SATB1: variants seen among roughly 807,000 people sequenced by gnomAD.
SATB1 encodes DNA-binding protein SATB1.
Under a neutral mutation model 86.9 loss-of-function variants are expected in SATB1, and 11 were observed. That is an observed-to-expected ratio of 0.13 (90% CI 0.08 to 0.21). SATB1 has a LOEUF of 0.21. Among genes scored for constraint, SATB1 ranks in the 10% least tolerant of loss-of-function variants. SATB1 has a pLI of 1.00. For synonymous variants in SATB1, 357 were observed against 357.2 expected (o/e 1.00, Z 0.01); for missense variants, 551 against 937.6 (o/e 0.59, Z 5.39).
chr3:18,398,297 C>T lies in SATB1; in HGVS notation c.640-1007G>A, dbSNP rs141027018. On this transcript the variant is annotated intron_variant, in intron 5 of 10. Transcript: ENST00000338745. ...ATTCATGGTCCATATTAACCTGTTA[C>T]CCATATTCTCTAGTAACAGCTAACT... Among the ~76,000 whole-genome samples, 273 of 152,126 alleles carry T rather than the reference C, an allele frequency of 1.8e-3. 5 individuals are homozygous for T. In the South Asian group the frequency reaches 0.044, roughly 25 times the overall value.
upstream of SATB1, among the ~76,000 whole-genome samples, chr3:18,427,750 A>T (rs1050612064): frequency 4.6e-5 from 7 of 152,242 alleles, no homozygotes; most frequent in African/African-American, 1.7e-4. Flanking sequence ...GTATGTAATA[A>T]GGACTGACAT....
chr3:18,436,978 T>C (rs954035850), intron 1 of SATB1: 1 of 152,172 alleles, frequency 6.6e-6, no homozygotes, highest in African/African-American at 2.4e-5. Context: ...CAGTAACCCA[T>C]TGTTTTGCCA....
chr3:18,394,995 T>A lies in SATB1; in HGVS notation c.752-79A>T. 8.4e-7 allele frequency: 1 copy of A among 1,186,006 alleles called. No homozygotes were observed. Among genetic ancestry groups the A allele is most frequent in the Non-Finnish European group, 1.2e-6 (1 of 867,088 alleles). 73.5% of individuals were successfully genotyped at this position (1,186,006 alleles called of 1,614,324 possible). On this transcript the variant is annotated intron_variant, in intron 6 of 10. Coordinates refer to ENST00000338745, the MANE Select transcript of SATB1 (RefSeq NM_002971.6). This position sits in a 1 kb window ranked among gnomAD's most constrained non-coding sequence, Gnocchi z 5.9. ...AAAGATTTCTAACCATTTCCTAAAT[T>A]AAAAAAGGGTAGGCACAGGGCACAC...
At position 18,352,164 on chromosome 3, in the gene SATB1, T is replaced by C; in HGVS notation, c.1607A>G (p.Glu536Gly). 1 of 1,614,222 alleles carries C rather than the reference T, an allele frequency of 6.2e-7. No homozygotes were observed. The highest frequency in any genetic ancestry group is 8.5e-7 in the Non-Finnish European group (1 of 1,180,056). The change falls in exon 10 of 11, where the codon GAA (glutamate) becomes GGA (glycine). Residue 536 changes from glutamate to glycine, a missense_variant. Glu to Gly is a moderately conservative substitution (Grantham distance 98). Transcript: ENST00000338745. The surrounding 1 kb of genome is among the most constrained non-coding windows in gnomAD (Gnocchi z 4.1). ...GWLCELLRWK[E>G]DPSPENRTLW... ...GGTTCTGTTTTCTGGAGAAGGATCT[T>C]CTTTCCAGCGTAACAGCTCGCACAA...
chr3:18,432,292 A>T (rs1698913479), intron 2 of SATB1, among the ~76,000 whole-genome samples: 1 of 152,198 alleles, frequency 6.6e-6, no homozygotes, highest in Non-Finnish European at 1.5e-5. Context: ...ATTCCGGTGA[A>T]ATCGAACAGC....
At chr3:18,381,698 AT>A (rs1054190680) in intron 8 of SATB1, among the ~76,000 whole-genome samples, 11 of 152,066 alleles carry the variant, frequency 7.2e-5, no homozygotes, top group African/African-American at 2.2e-4. Context: ...TTAATGTCTA[AT>A]TTTTTAATAG....
chr3:18,398,607 C>A (rs1241020738), intron 5 of SATB1, among the ~76,000 whole-genome samples: 1 of 152,166 alleles, frequency 6.6e-6, no homozygotes, highest in Non-Finnish European at 1.5e-5. Flanking sequence ...CTGTAGCATG[C>A]ACACATTTCT....
In SATB1 at chr3:18,349,675, TGCTGTTGCTGCA is replaced by T. The variant is rs769893736; in HGVS notation, c.1780-5_1786del. 8 of 1,601,454 alleles carry T rather than the reference TGCTGTTGCTGCA, an allele frequency of 5.0e-6. No individual in the cohort carries two copies. The highest frequency in any genetic ancestry group is 6.8e-6 in the Non-Finnish European group (8 of 1,174,488). ...CTGCTGCTGCTGTTGCTGTTGCTGC[TGCTGTTGCTGCA>T]AAGAAACAAGGAGACAATCAGAGCT... is the stretch of plus-strand genomic sequence containing the variant. On this transcript the variant is annotated splice_acceptor_variant and splice_polypyrimidine_tract_variant and coding_sequence_variant and intron_variant, in exon 11 of 11. Transcript: ENST00000338745. LOFTEE classifies it high-confidence loss of function. The surrounding 1 kb of genome is among the most constrained non-coding windows in gnomAD (Gnocchi z 5.5).
intron 10 of SATB1, chr3:18,350,717 A>G (rs2125125926): frequency 6.6e-6 from 1 of 152,346 alleles, no homozygotes; most frequent in South Asian, 2.1e-4. Context: ...GGCTTTCACG[A>G]TTATTTTAGT....
upstream of SATB1, among the ~76,000 whole-genome samples, chr3:18,427,031 A>G (rs6550461): frequency 0.21 from 31,766 of 152,124 alleles, 3,412 homozygotes; most frequent in African/African-American, 0.26. Context: ...TGGCACACAA[A>G]CCCAAGCCTT....
Position 18,397,162 on chromosome 3 carries a change from AT to A in SATB1, c.751+16del. ...GTAATGGTATGTAGCCACTGCTGCA[AT>A]GTTTTTTTTGCTTACCCATCATATC... On this transcript the variant is annotated intron_variant, in intron 6 of 10. Coordinates refer to ENST00000338745, the MANE Select transcript of SATB1 (RefSeq NM_002971.6). 1 of 1,366,920 alleles carries A rather than the reference AT, an allele frequency of 7.3e-7. No individual in the cohort carries two copies. The highest frequency in any genetic ancestry group is 1.0e-6 in the Non-Finnish European group (1 of 954,892). 84.7% of individuals were successfully genotyped at this position (1,366,920 alleles called of 1,614,324 possible).
intron 9 of SATB1, among the ~76,000 whole-genome samples, chr3:18,361,420 T>C (rs193245090): frequency 1.3e-5 from 2 of 152,222 alleles, no homozygotes; most frequent in African/African-American, 4.8e-5. Context: ...GTTGTTATTA[T>C]CACACAAGGG....
At chr3:18,414,940 G>A in intron 5 of SATB1, 171 bp downstream of exon 5, 2 of 662,230 alleles carry the variant, frequency 3.0e-6, no homozygotes, top group South Asian at 4.0e-5. Flanking sequence ...TATAGGCTCT[G>A]TTCACAAGGA....
rs528949791 is a variant in SATB1 at position 18,360,847 on chromosome 3, A to G, written c.1576-8652T>C. On this transcript the variant is annotated intron_variant, in intron 9 of 10. Coordinates refer to ENST00000338745, the MANE Select transcript of SATB1 (RefSeq NM_002971.6). The stretch of plus-strand genomic sequence containing the variant: ...CACATTTGGGAAAACCTGGAATTCA[A>G]AAATAACTATTAGTGCAAGATAGCA... Among the ~76,000 whole-genome samples, 11 of 152,264 alleles carry G rather than the reference A, an allele frequency of 7.2e-5. No homozygotes were observed. The South Asian group carries it at 2.3e-3, about 32-fold the overall frequency.
chr3:18,401,676 C>T (rs1697274528), intron 5 of SATB1, among the ~76,000 whole-genome samples: 1 of 152,094 alleles, frequency 6.6e-6, no homozygotes, highest in Admixed American at 6.6e-5. Context: ...CCACAGCTTC[C>T]AGTGTTGGGA....
rs779561540 is a variant in SATB1, at chr3:18,420,741, G to A, written c.211+16C>T. ...AGGGCTTTCAGCTTTTCAAGATTTG[G>A]CTTGAAGGTATTTACCTTTCCTAAG... On this transcript the variant is annotated intron_variant, in intron 2 of 10. Coordinates refer to ENST00000338745, the MANE Select transcript of SATB1 (RefSeq NM_002971.6). 1.2e-5 allele frequency: 19 copies of A among 1,605,438 alleles called. No individual in the cohort carries two copies. Among genetic ancestry groups the A allele is most frequent in the Middle Eastern group, 4.1e-4 (2 of 4,830 alleles).
intron 8 of SATB1, among the ~76,000 whole-genome samples, chr3:18,381,507 C>T (rs1038190070): frequency 6.6e-6 from 1 of 152,072 alleles, no homozygotes; most frequent in Non-Finnish European, 1.5e-5. Flanking sequence ...GAGAAAACTC[C>T]GTTAAAACAA....
intron 9 of SATB1, among the ~76,000 whole-genome samples, chr3:18,357,726 C>T (rs866644477): frequency 6.6e-6 from 1 of 151,584 alleles, no homozygotes. Context: ...TTAAACCACC[C>T]CTTTTTCTGT....
chr3:18,443,441 G>GGAAGGGCGCAGAGTGGCATT (rs1699292925), upstream of SATB1, among the ~76,000 whole-genome samples: 1 of 152,206 alleles, frequency 6.6e-6, no homozygotes, highest in Non-Finnish European at 1.5e-5. The surrounding 1 kb of genome is among the most constrained non-coding windows in gnomAD (Gnocchi z 4.4). Flanking sequence ...GAGAAAGTTC[G>GGAAGGGCGCAGAGTGGCATT]CCAAGGAAGG....
Sources: allele counts gnomAD v4.1 joint callset (sites outside exome capture counted in the v4.1 genomes callset), GRCh38; gene constraint gnomAD v4.1.1; non-coding constraint Gnocchi (gnomAD v3.1); transcripts MANE v1.5; gene names NCBI Gene and HGNC (gene_info 2026-07-23, HGNC 2026-07-21).